Variants in DDAH1 observed in about 807,000 individuals in gnomAD.
The protein encoded by DDAH1 is N(G),N(G)-dimethylarginine dimethylaminohydrolase 1.
In DDAH1, 19 loss-of-function variants were observed where a neutral mutation model predicts 28.8. The observed-to-expected ratio is 0.66, with a 90% CI of 0.46 to 0.97. DDAH1 has a LOEUF of 0.97. DDAH1 is among the 50% of genes least tolerant of loss of function. The pLI, the probability that DDAH1 is intolerant of heterozygous loss-of-function variation, is 0.00. For synonymous variants in DDAH1, 153 were observed against 154.4 expected, an observed-to-expected ratio of 0.99 and a Z score of 0.07; for missense variants, 326 against 375.9, an observed-to-expected ratio of 0.87 and a Z score of 1.10.
upstream of DDAH1, chr1:85,465,323 T>A: frequency 1.6e-6 from 1 of 614,990 alleles, no homozygotes; most frequent in Non-Finnish European, 2.0e-6. Flanking sequence ...GGGCGAGGAG[T>A]GGGGCCAGGA....
At chr1:85,321,945 GCT>G (rs1285817072) in intron 5 of DDAH1, among the ~76,000 whole-genome samples, 2 of 152,042 alleles carry the variant, frequency 1.3e-5, no homozygotes, top group African/African-American at 4.8e-5. Context: ...ACAGGGTCTT[GCT>G]CTGTCGTCCA....
At chr1:85,430,702 T>C (rs1653641784) in intron 1 of DDAH1, among the ~76,000 whole-genome samples, 1 of 152,130 alleles carries the variant, frequency 6.6e-6, no homozygotes, top group Non-Finnish European at 1.5e-5. Flanking sequence ...TCTCTATTAT[T>C]GGTGTATAGG....
At chr1:85,441,929 T>C (rs1654216954) in intron 1 of DDAH1, among the ~76,000 whole-genome samples, 1 of 152,164 alleles carries the variant, frequency 6.6e-6, no homozygotes, top group African/African-American at 2.4e-5. Flanking sequence ...TCATATATAT[T>C]TTTTCATTTC....
At chr1:85,329,994 A>G (rs1647664112) in intron 4 of DDAH1, among the ~76,000 whole-genome samples, 1 of 152,212 alleles carries the variant, frequency 6.6e-6, no homozygotes, top group East Asian at 1.9e-4. Context: ...TTCGAGGCAA[A>G]GAACAGATTT....
chr1:85,536,160 C>T (rs537969530), intron 1 of DDAH1, among the ~76,000 whole-genome samples: 5 of 151,490 alleles, frequency 3.3e-5, no homozygotes, highest in African/African-American at 9.7e-5. Flanking sequence ...TTGCTTGAAC[C>T]CAGGAGGCAG....
At chr1:85,381,459 G>A (rs957648034) in intron 1 of DDAH1, among the ~76,000 whole-genome samples, 2 of 151,434 alleles carry the variant, frequency 1.3e-5, no homozygotes, top group Non-Finnish European at 1.5e-5. Context: ...AAGTATACAC[G>A]TTACCCAATG....
intron 1 of DDAH1, among the ~76,000 whole-genome samples, chr1:85,405,842 C>T (rs1652380071): frequency 6.6e-6 from 1 of 152,140 alleles, no homozygotes; most frequent in Non-Finnish European, 1.5e-5. Flanking sequence ...CCAAGCTGCC[C>T]TCATGTAATG....
intron 1 of DDAH1, among the ~76,000 whole-genome samples, chr1:85,460,521 C>A (rs1380562872): frequency 6.6e-6 from 1 of 152,108 alleles, no homozygotes; most frequent in Non-Finnish European, 1.5e-5. Flanking sequence ...CATACTAACA[C>A]TTGGTACCTG....
intron 1 of DDAH1, among the ~76,000 whole-genome samples, chr1:85,510,736 A>G (rs1277101296): frequency 6.6e-6 from 1 of 152,238 alleles, no homozygotes; most frequent in Non-Finnish European, 1.5e-5. Context: ...ACCAACAAAG[A>G]TCAAAAGAGA....
At chr1:85,404,518 C>G in intron 1 of DDAH1, 2 of 1,406,350 alleles carry the variant, frequency 1.4e-6, no homozygotes, top group South Asian at 3.4e-5. Flanking sequence ...AGCCATGGAG[C>G]AAATAATAAC....
At chr1:85,500,213 TTCC>T (rs749585937) in intron 1 of DDAH1, among the ~76,000 whole-genome samples, 1 of 150,886 alleles carries the variant, frequency 6.6e-6, no homozygotes, top group Non-Finnish European at 1.5e-5. Context: ...TCTTCCTTCC[TTCC>T]TTTCTTTTTT....
chr1:85,439,802 C>T (rs537997650), intron 1 of DDAH1, among the ~76,000 whole-genome samples: 39 of 152,212 alleles, frequency 2.6e-4, no homozygotes, highest in South Asian at 6.2e-4. Flanking sequence ...ACAATTTTTC[C>T]GTAATGAATG....
intron 1 of DDAH1, among the ~76,000 whole-genome samples, chr1:85,529,858 G>C (rs1186596556): frequency 1.4e-5 from 2 of 147,894 alleles, no homozygotes; most frequent in Non-Finnish European, 3.0e-5. Flanking sequence ...TTAACTAGTA[G>C]ACCCATCCCA....
intron 1 of DDAH1, chr1:85,380,631 C>T (rs1021715967): frequency 6.6e-6 from 1 of 152,150 alleles, no homozygotes; most frequent in African/African-American, 2.4e-5. Flanking sequence ...CACAAGGTCT[C>T]TTATTTACAA....
chr1:85,437,086 A>G (rs1653975576), intron 1 of DDAH1, among the ~76,000 whole-genome samples: 1 of 152,158 alleles, frequency 6.6e-6, no homozygotes, highest in Non-Finnish European at 1.5e-5. Context: ...CTTGAAAAAG[A>G]CAATGCAGCT....
At chr1:85,371,149 A>G (rs1650364007) in intron 1 of DDAH1, among the ~76,000 whole-genome samples, 1 of 152,180 alleles carries the variant, frequency 6.6e-6, no homozygotes, top group Admixed American at 6.5e-5. Flanking sequence ...CTTTGGCAGG[A>G]AGAGCTACTT....
At chr1:85,565,577 G>GA (rs1366577592) in intron 1 of DDAH1, among the ~76,000 whole-genome samples, 3 of 151,278 alleles carry the variant, frequency 2.0e-5, no homozygotes, top group Non-Finnish European at 4.4e-5. Context: ...ATAAAAAGTT[G>GA]AAAAAAAGAA....
chr1:85,511,908 T>C (rs992219377), intron 1 of DDAH1, among the ~76,000 whole-genome samples: 1 of 152,204 alleles, frequency 6.6e-6, no homozygotes, highest in Admixed American at 6.5e-5. Context: ...ACAGCCGAAT[T>C]CTACCAGAGG....
intron 1 of DDAH1, among the ~76,000 whole-genome samples, chr1:85,378,892 A>T (rs1650823431): frequency 6.6e-6 from 1 of 152,260 alleles, no homozygotes; most frequent in Non-Finnish European, 1.5e-5. Context: ...TGACAGGTAG[A>T]GATAATGAGG....
Sources: gnomAD v4.1 joint callset for allele counts (sites outside exome capture counted in the v4.1 genomes callset) on GRCh38, gnomAD v4.1.1 for gene constraint, MANE v1.5 for transcripts, NCBI Gene and HGNC (gene_info 2026-07-23, HGNC 2026-07-21) for gene names.